Variants in HHLA1 observed in about 807,000 individuals in gnomAD.
HHLA1 encodes HHLA1 neighbor of OC90, also known as HERV-H LTR-associating protein 1.
Under a neutral mutation model 69.9 loss-of-function variants are expected in HHLA1, and 72 were observed. The ratio of observed to expected loss-of-function variants is 1.03; its 90% CI spans 0.85 to 1.25. The LOEUF (loss-of-function observed/expected upper bound fraction) is 1.25, where lower values mean the gene tolerates loss of function less well. Among genes scored for constraint, HHLA1 ranks in the 50% most tolerant of loss-of-function variants. The pLI, the probability that HHLA1 is intolerant of heterozygous loss-of-function variation, is 0.00. For synonymous variants in HHLA1, 252 were observed against 233.2 expected (o/e 1.08, Z -0.73); for missense variants, 685 against 642.2 (o/e 1.07, Z -0.72).
Position 132,078,575 on chromosome 8 carries a change from C to G in HHLA1, c.926-604G>C, listed in dbSNP as rs377194229. Among the ~76,000 whole-genome samples, 7 of 152,270 alleles carry G rather than the reference C, an allele frequency of 4.6e-5. No individual in the cohort carries two copies. In the East Asian group the frequency reaches 1.4e-3, roughly 29 times the overall value. On this transcript the variant is annotated intron_variant, in intron 11 of 16. Coordinates refer to ENST00000414222, the MANE Select transcript of HHLA1 (RefSeq NM_001145095.3). ...TCCTTGTTTCCTTGCCTGCTGACAC[C>G]TATCAATTCTTATCTCTTGGGGAAG...
At chr8:132,073,821 C>A (rs926147151) in intron 14 of HHLA1, among the ~76,000 whole-genome samples, 1 of 152,184 alleles carries the variant, frequency 6.6e-6, no homozygotes, top group Non-Finnish European at 1.5e-5. Flanking sequence ...ATCATCACCG[C>A]ATCCTCTTGG....
At chr8:132,089,394 T>A in intron 8 of HHLA1, 122 bp downstream of exon 8, 1 of 689,472 alleles carries the variant, frequency 1.5e-6, no homozygotes. Flanking sequence ...AAAGATTACA[T>A]GAACGTTTCT....
At chr8:132,093,781 C>T (rs1823979134) in intron 7 of HHLA1, among the ~76,000 whole-genome samples, 1 of 152,142 alleles carries the variant, frequency 6.6e-6, no homozygotes, top group Non-Finnish European at 1.5e-5. Context: ...TCACCCAGCA[C>T]AGACTTCTAT....
intron 7 of HHLA1, among the ~76,000 whole-genome samples, chr8:132,090,986 C>T (rs921980792): frequency 1.3e-5 from 2 of 152,126 alleles, no homozygotes; most frequent in African/African-American, 4.8e-5. Context: ...GTCTCGATCT[C>T]CTGACCTTGT....
intron 10 of HHLA1, among the ~76,000 whole-genome samples, chr8:132,085,073 C>T (rs1026817194): frequency 2.0e-5 from 3 of 152,006 alleles, no homozygotes; most frequent in Non-Finnish European, 4.4e-5. Flanking sequence ...GAGTACTTGC[C>T]CCTTCCCCAG....
intron 4 of HHLA1, among the ~76,000 whole-genome samples, chr8:132,099,483 A>C (rs1385598919): frequency 6.6e-6 from 1 of 152,172 alleles, no homozygotes; most frequent in Non-Finnish European, 1.5e-5. Context: ...GGAGGGAGAA[A>C]TCTCCCAGGT....
At chr8:132,105,066 TTTTGAACAAA>T in intron 2 of HHLA1, 111 bp downstream of exon 2, 1 of 779,822 alleles carries the variant, frequency 1.3e-6, no homozygotes, top group Non-Finnish European at 2.2e-6. Context: ...ATTCTTGCCA[TTTTGAACAAA>T]TTCATTTGGA....
At position 132,103,095 on chromosome 8, in the gene HHLA1, A is replaced by G. The variant is rs556440607; in HGVS notation, c.139+1013T>C. Among the ~76,000 whole-genome samples, 3 of 152,230 alleles carry G rather than the reference A, an allele frequency of 2.0e-5. No homozygotes were observed. In the East Asian group the frequency reaches 5.8e-4, roughly 29 times the overall value. ...AGTATTTTATCACCTTTTATCCTTC[A>G]TGATTACCTGTGGGGCAGGAATTGT... On this transcript the variant is annotated intron_variant, in intron 3 of 16. Transcript: ENST00000414222.
intron 11 of HHLA1, 76 bp from the exon 12 acceptor site, chr8:132,078,047 A>T: frequency 6.7e-7 from 1 of 1,489,730 alleles, no homozygotes; most frequent in Non-Finnish European, 9.1e-7. Context: ...TTGCTGAGAC[A>T]TTGAAACGTT....
chr8:132,110,966 A>G (rs1304278563), intron 1 of HHLA1, 136 bp downstream of exon 1: 1 of 152,176 alleles, frequency 6.6e-6, no homozygotes, highest in Non-Finnish European at 1.5e-5. Context: ...TGGATGATAG[A>G]AACTGCTCTC....
intron 1 of HHLA1, among the ~76,000 whole-genome samples, chr8:132,109,717 G>T (rs10105818): frequency 0.12 from 18,061 of 152,148 alleles, 1,276 homozygotes; most frequent in East Asian, 0.28. Flanking sequence ...TTGAACCATG[G>T]TCTCTCAGAT....
At chr8:132,086,907 C>T (rs1823874010) in intron 10 of HHLA1, among the ~76,000 whole-genome samples, 2 of 152,210 alleles carry the variant, frequency 1.3e-5, no homozygotes, top group African/African-American at 2.4e-5. Flanking sequence ...GAAGAGCCCA[C>T]TATGTGCAAG....
rs953007665 is a variant in HHLA1 at position 132,063,539 on chromosome 8, G to A, written c.*456C>T. 6.5e-6 allele frequency: 1 copy of A among 153,626 alleles called. No individual in the cohort carries two copies. Among genetic ancestry groups the A allele is most frequent in the African/African-American group, 2.4e-5 (1 of 41,482 alleles). The allele number at this position is 153,626 out of a possible 1,614,324, so 9.5% of individuals were successfully genotyped here. On this transcript the variant is annotated 3_prime_UTR_variant, in exon 17 of 17. Coordinates refer to ENST00000414222, the MANE Select transcript of HHLA1 (RefSeq NM_001145095.3). ...GTATATGTGAATCTCTCTAGAGTAT[G>A]AATTCAATATTAATTTATGCTTTTG...
In HHLA1 at chr8:132,077,840, A is replaced by G; in HGVS notation, c.1057T>C (p.Ser353Pro). The change falls in exon 12 of 17, where the codon TCC becomes CCC. Residue 353 changes from serine to proline, a missense_variant. Coordinates refer to ENST00000414222, the MANE Select transcript of HHLA1 (RefSeq NM_001145095.3). ...TCGGTCCCTGCAGTAGTCGGTGGGG[A>G]AGAACGAGTTTCCCAGAGAGACCCT... The part of the protein sequence containing the change: ...PGGSLWETRS[S>P]PPTTAGTEEA... The G allele has an allele frequency of 6.4e-7, 1 of 1,551,466 alleles. No homozygotes were observed. The highest frequency in any genetic ancestry group is 8.7e-7 in the Non-Finnish European group (1 of 1,146,946).
At chr8:132,067,458 T>G (rs1823461060) in intron 15 of HHLA1, among the ~76,000 whole-genome samples, 1 of 152,130 alleles carries the variant, frequency 6.6e-6, no homozygotes. Flanking sequence ...TTTTGTGAGC[T>G]TACGAACCTG....
chr8:132,081,312 C>T (rs887305652), intron 10 of HHLA1, among the ~76,000 whole-genome samples: 1 of 152,170 alleles, frequency 6.6e-6, no homozygotes, highest in African/African-American at 2.4e-5. Flanking sequence ...AGCATCTATA[C>T]AGGAGCCTAA....
Position 132,079,728 on chromosome 8 carries a change from G to T in HHLA1, c.915C>A (p.Leu305=). Residue 305 remains leucine, a synonymous_variant, in exon 11 of 17, where the codon CTC becomes CTA. Coordinates refer to ENST00000414222, the MANE Select transcript of HHLA1 (RefSeq NM_001145095.3). ...GAGAATGCATCTTACCCAAGGCTGG[G>T]AGAGTGTGGGAGGCACTGAACCATG... ...TATWFSASHT[L]PALATRRVAR... The T allele has an allele frequency of 1.9e-6, 3 of 1,548,668 alleles. No homozygotes were observed. Among genetic ancestry groups the T allele is most frequent in the Non-Finnish European group, 2.6e-6 (3 of 1,145,674 alleles).
In HHLA1 at chr8:132,102,826, T is replaced by C. The variant is rs182418958; in HGVS notation, c.139+1282A>G. Among the ~76,000 whole-genome samples the C allele has an allele frequency of 3.9e-3, 582 of 148,278 alleles. 4 individuals are homozygous for C. The highest frequency in any genetic ancestry group is 0.014 in the African/African-American group (562 of 40,100). On this transcript the variant is annotated intron_variant, in intron 3 of 16. Coordinates refer to ENST00000414222, the MANE Select transcript of HHLA1 (RefSeq NM_001145095.3). ...TTTTTTTTTTTTTTTTTTAGCACTA[T>C]TCCTTTCACCAAGGAAAGAATATTT...
chr8:132,064,290 T>C (rs533544126), intron 16 of HHLA1, among the ~76,000 whole-genome samples: 2 of 152,322 alleles, frequency 1.3e-5, no homozygotes, highest in South Asian at 4.1e-4. Context: ...TGCCCAATGC[T>C]CTTTTCCAAT....
Sources: allele counts gnomAD v4.1 joint callset (sites outside exome capture counted in the v4.1 genomes callset), GRCh38; gene constraint gnomAD v4.1.1; transcripts MANE v1.5; gene names NCBI Gene and HGNC (gene_info 2026-07-23, HGNC 2026-07-21).